TVP23C: variants seen among roughly 807,000 people sequenced by gnomAD.
The protein encoded by TVP23C is Golgi apparatus membrane protein TVP23 homolog C.
A neutral mutation model predicts 28.7 loss-of-function variants in TVP23C; 19 were observed. The observed-to-expected ratio is 0.66, with a 90% CI of 0.46 to 0.97. The LOEUF (loss-of-function observed/expected upper bound fraction) is 0.97. Ranked by LOEUF, TVP23C falls within the 50% of genes least tolerant of loss-of-function variation. The pLI, the probability that TVP23C is intolerant of heterozygous loss-of-function variation, is 0.00. For missense variants in TVP23C, 186 were observed against 241.3 expected (o/e 0.77, Z 1.52); for synonymous variants, 68 against 81.7 (o/e 0.83, Z 0.90).
downstream of TVP23C, among the ~76,000 whole-genome samples, chr17:15,534,031 T>C (rs1384074058): frequency 6.6e-6 from 1 of 152,232 alleles, no homozygotes; most frequent in African/African-American, 2.4e-5. Context: ...TTGTCAGATG[T>C]TGTTGTTATA....
chr17:15,514,273 C>T (rs1483108370), intron 5 of TVP23C, among the ~76,000 whole-genome samples: 1 of 152,108 alleles, frequency 6.6e-6, no homozygotes, highest in African/African-American at 2.4e-5. Context: ...ACAAATCAAA[C>T]GACAAGTAAG....
intron 5 of TVP23C, among the ~76,000 whole-genome samples, chr17:15,526,480 T>G (rs1664101212): frequency 6.6e-6 from 1 of 152,208 alleles, no homozygotes; most frequent in South Asian, 2.1e-4. Flanking sequence ...TGTCTGACTG[T>G]GTCTACAGTA....
chr17:15,546,948 A>T (rs1415159887), intron 4 of TVP23C, 111 bp downstream of exon 4: 1 of 979,260 alleles, frequency 1.0e-6, no homozygotes, highest in East Asian at 2.7e-5. Flanking sequence ...TGACATGCCA[A>T]GTGATTTGGT....
chr17:15,558,015 T>C (rs1984210883), intron 1 of TVP23C, among the ~76,000 whole-genome samples: 1 of 149,322 alleles, frequency 6.7e-6, no homozygotes, highest in African/African-American at 2.4e-5. Flanking sequence ...TTCTCAACCT[T>C]GGCTACAATT....
intron 5 of TVP23C, among the ~76,000 whole-genome samples, chr17:15,520,402 T>G (rs959308770): frequency 3.4e-5 from 5 of 148,496 alleles, no homozygotes; most frequent in Non-Finnish European, 7.4e-5. Context: ...TCATCTTTCA[T>G]CTTCTCAACT....
At chr17:15,545,717 T>C (rs1983614625) in intron 5 of TVP23C, 68 bp downstream of exon 5, 25 of 1,550,320 alleles carry the variant, frequency 1.6e-5, no homozygotes, top group East Asian at 4.5e-5. Flanking sequence ...TCAGTTGCAG[T>C]TGTTGCTTCC....
chr17:15,560,070 C>A (rs761193930), intron 1 of TVP23C, among the ~76,000 whole-genome samples: 4 of 147,608 alleles, frequency 2.7e-5, no homozygotes, highest in Non-Finnish European at 4.5e-5. Context: ...ATTTTTTTTT[C>A]TTTTTTTTGA....
At chr17:15,536,137 CCGA>C (rs1430806224), downstream of TVP23C, among the ~76,000 whole-genome samples, 1 of 152,018 alleles carries the variant, frequency 6.6e-6, no homozygotes, top group Non-Finnish European at 1.5e-5. Context: ...TTGCAATGAT[CCGA>C]GATCACACCA....
chr17:15,516,041 CT>C (rs1982212748), intron 5 of TVP23C, among the ~76,000 whole-genome samples: 1 of 152,190 alleles, frequency 6.6e-6, no homozygotes, highest in Non-Finnish European at 1.5e-5. Flanking sequence ...CCCCCTTTGC[CT>C]TCTGCCATGA....
intron 5 of TVP23C, chr17:15,507,187 C>T: frequency 1.4e-6 from 1 of 740,700 alleles, no homozygotes; most frequent in Admixed American, 1.8e-5. Flanking sequence ...ACAAACGGTT[C>T]CTAATTTTTC....
chr17:15,512,277 A>T (rs1982033086), intron 5 of TVP23C, among the ~76,000 whole-genome samples: 1 of 152,200 alleles, frequency 6.6e-6, no homozygotes, highest in Admixed American at 6.5e-5. Context: ...AGCCAGGATG[A>T]CAGGTTTCAT....
At chr17:15,557,908 T>G (rs1452609718) in intron 1 of TVP23C, among the ~76,000 whole-genome samples, 1 of 144,594 alleles carries the variant, frequency 6.9e-6, no homozygotes, top group Admixed American at 7.1e-5. Flanking sequence ...GTCTAAGAAA[T>G]GGTCAAGTAG....
intron 5 of TVP23C, among the ~76,000 whole-genome samples, chr17:15,531,898 C>A (rs560123308): frequency 6.6e-6 from 1 of 152,166 alleles, no homozygotes; most frequent in Non-Finnish European, 1.5e-5. Flanking sequence ...TTGTCCCACA[C>A]CCATCTTTGT....
At chr17:15,518,894 G>C (rs1982349117) in intron 5 of TVP23C, among the ~76,000 whole-genome samples, 1 of 152,168 alleles carries the variant, frequency 6.6e-6, no homozygotes, top group Non-Finnish European at 1.5e-5. Flanking sequence ...GTCGAGGGGG[G>C]ACCTGGTGCG....
intron 5 of TVP23C, among the ~76,000 whole-genome samples, chr17:15,524,032 C>A (rs142342058): frequency 6.6e-6 from 1 of 150,684 alleles, no homozygotes; most frequent in Non-Finnish European, 1.5e-5. Flanking sequence ...TGAAGAACAA[C>A]AAAGTGTTTG....
At chr17:15,553,649 T>A (rs761780412) in intron 3 of TVP23C, 36 bp downstream of exon 3, 2 of 1,559,584 alleles carry the variant, frequency 1.3e-6, no homozygotes, top group Non-Finnish European at 1.7e-6. Flanking sequence ...ATTTTCATAT[T>A]AAATATAATT....
chr17:15,536,340 A>G (rs944728662), downstream of TVP23C, among the ~76,000 whole-genome samples: 42 of 152,244 alleles, frequency 2.8e-4, no homozygotes, highest in African/African-American at 8.7e-4. Context: ...TATTGTGTCT[A>G]CCTTTCAGGA....
At chr17:15,512,801 A>C (rs1022106571) in intron 5 of TVP23C, among the ~76,000 whole-genome samples, 2 of 152,188 alleles carry the variant, frequency 1.3e-5, no homozygotes, top group Admixed American at 6.5e-5. Context: ...TACTACCATG[A>C]CCAAACCTAA....
intron 5 of TVP23C, among the ~76,000 whole-genome samples, chr17:15,509,605 T>C (rs1257141383): frequency 6.6e-6 from 1 of 152,224 alleles, no homozygotes; most frequent in Non-Finnish European, 1.5e-5. Context: ...TTCACACCTG[T>C]AGTTCCAGCA....
Sources: allele counts gnomAD v4.1 joint callset (sites outside exome capture counted in the v4.1 genomes callset), GRCh38; gene constraint gnomAD v4.1.1; transcripts MANE v1.5; gene names NCBI Gene and HGNC (gene_info 2026-07-23, HGNC 2026-07-21).